KLF12: variants seen among roughly 807,000 people sequenced by gnomAD.
KLF12 encodes the protein Krueppel-like factor 12.
In KLF12, 9 loss-of-function variants were observed where a neutral mutation model predicts 37.8. The ratio of observed to expected loss-of-function variants is 0.24; its 90% CI spans 0.14 to 0.42. KLF12 has a LOEUF of 0.42. Ranked by LOEUF, KLF12 falls within the 10% of genes least tolerant of loss-of-function variation. The probability of loss-of-function intolerance (pLI) is 1.00; values close to 1 mark genes in which losing one functional copy is unlikely to be tolerated. For missense variants in KLF12, 411 were observed against 516.0 expected (o/e 0.80, Z 1.97); for synonymous variants, 208 against 202.1 (o/e 1.03, Z -0.25).
chr13:74,052,394 C>T (rs1469292941), intron 1 of KLF12, among the ~76,000 whole-genome samples: 4 of 152,166 alleles, frequency 2.6e-5, no homozygotes, highest in South Asian at 2.1e-4. Flanking sequence ...TTGTTGGAAG[C>T]GTCTACTCTT....
chr13:74,079,638 C>T (rs79748575), intron 1 of KLF12, among the ~76,000 whole-genome samples: 189 of 152,300 alleles, frequency 1.2e-3, no homozygotes, highest in Non-Finnish European at 1.9e-3. Context: ...TAGCGCTTCA[C>T]ACAACTAGCT....
intron 2 of KLF12, among the ~76,000 whole-genome samples, chr13:73,970,219 C>T (rs1244807912): frequency 6.6e-6 from 1 of 152,158 alleles, no homozygotes; most frequent in East Asian, 1.9e-4. Context: ...ACACTTCCTC[C>T]TTGTGTGACC....
At chr13:73,959,075 T>G (rs930231228) in intron 2 of KLF12, among the ~76,000 whole-genome samples, 1 of 130,698 alleles carries the variant, frequency 7.7e-6, no homozygotes, top group Non-Finnish European at 1.6e-5. Flanking sequence ...ATGGCACAAC[T>G]AACAAATCCA....
the KLF12 span, among the ~76,000 whole-genome samples, chr13:74,174,977 G>A: frequency 3.3e-5 from 5 of 152,336 alleles, no homozygotes; most frequent in East Asian, 9.6e-4. Context: ...AGAACTGGCT[G>A]GGTGAGAACA....
intron 1 of KLF12, among the ~76,000 whole-genome samples, chr13:74,111,968 T>A (rs1382358781): frequency 6.6e-6 from 1 of 152,198 alleles, no homozygotes; most frequent in East Asian, 1.9e-4. Context: ...CAATCATATT[T>A]TGGCTCAGAT....
At chr13:73,835,099 T>G (rs1259479929) in intron 4 of KLF12, among the ~76,000 whole-genome samples, 7 of 150,506 alleles carry the variant, frequency 4.7e-5, no homozygotes, top group Admixed American at 4.6e-4. Flanking sequence ...TCAAATATAG[T>G]CCTAAAAAAT....
At chr13:74,290,006 A>T in the KLF12 span, among the ~76,000 whole-genome samples, 1 of 152,208 alleles carries the variant, frequency 6.6e-6, no homozygotes, top group African/African-American at 2.4e-5. Context: ...ACAGGATGAC[A>T]GTTCCTCACA....
the KLF12 span, among the ~76,000 whole-genome samples, chr13:74,186,313 G>A: frequency 6.6e-6 from 1 of 151,946 alleles, no homozygotes; most frequent in African/African-American, 2.4e-5. Flanking sequence ...AATTTAGTAG[G>A]CTCAATTCTT....
At chr13:73,877,763 T>C (rs1302895183) in intron 3 of KLF12, among the ~76,000 whole-genome samples, 2 of 152,302 alleles carry the variant, frequency 1.3e-5, no homozygotes, top group Non-Finnish European at 2.9e-5. Context: ...TTCATTTCTA[T>C]GAAGATCTTA....
chr13:74,176,825 A>G, the KLF12 span, among the ~76,000 whole-genome samples: 1 of 151,362 alleles, frequency 6.6e-6, no homozygotes, highest in African/African-American at 2.4e-5. Context: ...GCCCCAGAAA[A>G]CCTCTGCTTT....
intron 3 of KLF12, among the ~76,000 whole-genome samples, chr13:73,854,640 C>T (rs1193490017): frequency 2.0e-5 from 3 of 152,290 alleles, no homozygotes; most frequent in East Asian, 1.9e-4. Flanking sequence ...CAGGACCCCC[C>T]TCCACCAAGG....
At chr13:74,190,673 A>G in the KLF12 span, among the ~76,000 whole-genome samples, 1 of 152,240 alleles carries the variant, frequency 6.6e-6, no homozygotes, top group Non-Finnish European at 1.5e-5. Flanking sequence ...AATAATTATA[A>G]TAGCTACCAT....
chr13:74,264,327 T>C, the KLF12 span, among the ~76,000 whole-genome samples: 9 of 152,300 alleles, frequency 5.9e-5, no homozygotes, highest in South Asian at 8.3e-4. Context: ...CTTTACCTGA[T>C]GATGCTAGCA....
At chr13:74,149,246 A>C in the KLF12 span, among the ~76,000 whole-genome samples, 1 of 152,192 alleles carries the variant, frequency 6.6e-6, no homozygotes, top group Admixed American at 6.5e-5. Flanking sequence ...CTGTAGATTT[A>C]TATATTCTAC....
chr13:74,232,286 T>A, the KLF12 span, among the ~76,000 whole-genome samples: 22 of 152,220 alleles, frequency 1.4e-4, no homozygotes, highest in African/African-American at 5.3e-4. Context: ...ATTAATATGA[T>A]ATTTAAGTAC....
At chr13:74,292,716 T>C in the KLF12 span, among the ~76,000 whole-genome samples, 3 of 152,196 alleles carry the variant, frequency 2.0e-5, no homozygotes, top group Admixed American at 6.5e-5. Flanking sequence ...TCAGTTCAAA[T>C]ATTAACAAGA....
chr13:73,929,471 C>A (rs528057995), intron 3 of KLF12, among the ~76,000 whole-genome samples: 1 of 152,276 alleles, frequency 6.6e-6, no homozygotes, highest in African/African-American at 2.4e-5. Flanking sequence ...ATCCACACAT[C>A]GTATCGCATA....
At chr13:73,749,010 T>C (rs1441560337) in intron 6 of KLF12, among the ~76,000 whole-genome samples, 1 of 152,172 alleles carries the variant, frequency 6.6e-6, no homozygotes, top group Non-Finnish European at 1.5e-5. Flanking sequence ...CAATTAACAC[T>C]CGATTTACTT....
chr13:73,718,212 C>T (rs75341123), intron 6 of KLF12, among the ~76,000 whole-genome samples: 8 of 151,610 alleles, frequency 5.3e-5, no homozygotes, highest in East Asian at 3.9e-4. Flanking sequence ...TAAGGAGAAA[C>T]GTAAAAAAAA....
Sources: allele counts gnomAD v4.1 joint callset (sites outside exome capture counted in the v4.1 genomes callset), GRCh38; gene constraint gnomAD v4.1.1; transcripts MANE v1.5; gene names NCBI Gene and HGNC (gene_info 2026-07-23, HGNC 2026-07-21).